PTGES3L: variants seen among roughly 807,000 people sequenced by gnomAD.
The protein encoded by PTGES3L is prostaglandin E synthase 3 like, also known as putative protein PTGES3L.
In PTGES3L, 17 loss-of-function variants were observed where a neutral mutation model predicts 25.0. That is an observed-to-expected ratio of 0.68 (90% confidence interval 0.47 to 1.02). The LOEUF is 1.02. PTGES3L is among the 50% of genes least tolerant of loss of function. The probability of loss-of-function intolerance (pLI) is 0.00; values close to 1 mark genes in which losing one functional copy is unlikely to be tolerated. For synonymous variants in PTGES3L, 59 were observed against 65.7 expected, an observed-to-expected ratio of 0.90 and a Z score of 0.50; for missense variants, 202 against 197.5, an observed-to-expected ratio of 1.02 and a Z score of -0.14.
At position 42,971,626 on chromosome 17, in the gene PTGES3L, T is replaced by C; in HGVS notation, c.359A>G (p.His120Arg). The C allele has an allele frequency of 1.9e-6, 3 of 1,614,030 alleles. No homozygotes were observed. Among genetic ancestry groups the C allele is most frequent in the South Asian group, 2.2e-5 (2 of 91,086 alleles). The change falls in exon 5 of 7, where the codon CAT (histidine) becomes CGT (arginine). Residue 120 changes from histidine to arginine, a missense_variant. Physicochemically the swap from His to Arg is conservative, Grantham distance 29. Coordinates refer to ENST00000591916, the MANE Select transcript of PTGES3L (RefSeq NM_001261430.2). ...WEGDEEMELA[H>R]VEHYAELLKK... Reference sequence around the variant, plus strand: ...TCTCACCTCTGCATAATGTTCCACATGAGCCAGCTCCATCTCTTCATCCCC... The same window carrying C: ...TCTCACCTCTGCATAATGTTCCACACGAGCCAGCTCCATCTCTTCATCCCC...
At chr17:42,970,426 T>G (rs2670866) in intron 5 of PTGES3L, 84 bp from the exon 6 acceptor site, 1 of 1,535,216 alleles carries the variant, frequency 6.5e-7, no homozygotes, top group Non-Finnish European at 9.0e-7. Context: ...GAAGAATGGT[T>G]GCAGCCAGAA....
intron 4 of PTGES3L, among the ~76,000 whole-genome samples, chr17:42,976,393 T>C (rs1053241689): frequency 6.6e-6 from 1 of 152,198 alleles, no homozygotes; most frequent in African/African-American, 2.4e-5. Flanking sequence ...ATTTCTTTTT[T>C]TTTGAGACGT....
chr17:42,969,204 A>AG lies in PTGES3L; in HGVS notation c.433-19_433-18insC, dbSNP rs767299828. The AG allele has an allele frequency of 1.5e-6, 2 of 1,359,350 alleles. No homozygotes were observed. The highest frequency in any genetic ancestry group is 2.0e-6 in the Non-Finnish European group (2 of 981,932). The allele number at this position is 1,359,350 out of a possible 1,614,324, so 84.2% of individuals were successfully genotyped here. A position where few individuals can be genotyped will look rare whatever the true frequency, so the allele number is the denominator to read the frequency against. On this transcript the variant is annotated intron_variant, in intron 6 of 6. Coordinates refer to ENST00000591916, the MANE Select transcript of PTGES3L (RefSeq NM_001261430.2). ...GAATCATCCTGGGGGCGGGGGGGAA[A>AG]AAAGACAAAGCACCTGTAGACCCTG...
chr17:42,975,701 G>T (rs1317060378), intron 4 of PTGES3L, among the ~76,000 whole-genome samples: 5 of 152,102 alleles, frequency 3.3e-5, no homozygotes, highest in Non-Finnish European at 5.9e-5. Flanking sequence ...TTCTGAGACA[G>T]AGTCTCACTC....
At chr17:42,979,132 C>A (rs1406250292) in intron 4 of PTGES3L, 38 bp downstream of exon 4, 3 of 1,609,986 alleles carry the variant, frequency 1.9e-6, no homozygotes, top group South Asian at 2.2e-5. Context: ...AACCTGGGTA[C>A]ATGGAGAGAA....
chr17:42,978,288 T>C, intron 4 of PTGES3L, among the ~76,000 whole-genome samples: 1 of 151,590 alleles, frequency 6.6e-6, no homozygotes, highest in Non-Finnish European at 1.5e-5. Flanking sequence ...AAGCCAGTAA[T>C]CCCAGCTACT....
intron 4 of PTGES3L, among the ~76,000 whole-genome samples, chr17:42,973,222 G>C (rs9675153): frequency 4.9e-4 from 4 of 8,148 alleles, no homozygotes; most frequent in African/African-American, 2.0e-3. Context: ...CCGGCCAGCC[G>C]CCCCGTCCGG....
At chr17:42,973,241 TG>T (rs1470165573) in intron 4 of PTGES3L, among the ~76,000 whole-genome samples, 2 of 127,902 alleles carry the variant, frequency 1.6e-5, no homozygotes, top group African/African-American at 3.0e-5. Flanking sequence ...GGGAGGGAGG[TG>T]GGGGGGTCAG....
intron 2 of PTGES3L, 28 bp from the exon 3 acceptor site, chr17:42,979,472 G>T (rs1172131504): frequency 6.2e-7 from 1 of 1,614,062 alleles, no homozygotes; most frequent in African/African-American, 1.3e-5. Flanking sequence ...CTGAGGAGAT[G>T]CGGAATACTC....
At chr17:42,970,672 A>ATG (rs1555565341) in intron 5 of PTGES3L, among the ~76,000 whole-genome samples, 4 of 115,504 alleles carry the variant, frequency 3.5e-5, no homozygotes, top group African/African-American at 1.3e-4. Flanking sequence ...CTGGCTTAAC[A>ATG]CGCGCACACA....
intron 4 of PTGES3L, among the ~76,000 whole-genome samples, chr17:42,978,933 G>C (rs779829882): frequency 1.4e-4 from 21 of 152,142 alleles, no homozygotes; most frequent in Non-Finnish European, 2.1e-4. Context: ...CCGGGAGGCG[G>C]AGGCCATGGT....
chr17:42,969,451 C>A (rs2049794209), intron 6 of PTGES3L, among the ~76,000 whole-genome samples: 1 of 134,606 alleles, frequency 7.4e-6, no homozygotes, highest in East Asian at 2.2e-4. Context: ...CTTCATCACC[C>A]AGCTGCAGTG....
rs1191854608 is a variant in PTGES3L at position 42,968,220 on chromosome 17, G to A, written c.*928C>T. On this transcript the variant is annotated 3_prime_UTR_variant, in exon 7 of 7. Transcript: ENST00000591916. The stretch of plus-strand genomic sequence containing the variant: ...CAAATAAACATAGACATTAACTAGA[G>A]TAACAATCAGTTTTAAAAGTATAAA... 6.6e-6 allele frequency: 1 copy of A among 151,968 alleles called. No individual in the cohort carries two copies. The highest frequency in any genetic ancestry group is 1.5e-5 in the Non-Finnish European group (1 of 68,018). The allele number at this position is 151,968 out of a possible 1,614,324, so 9.4% of individuals were successfully genotyped here. A position where few individuals can be genotyped will look rare whatever the true frequency, so the allele number is the denominator to read the frequency against.
intron 4 of PTGES3L, among the ~76,000 whole-genome samples, chr17:42,977,088 C>T (rs774048708): frequency 2.3e-4 from 35 of 151,890 alleles, no homozygotes; most frequent in African/African-American, 8.2e-4. Context: ...GTCTGAAGTT[C>T]GAGACCAGCC....
intron 4 of PTGES3L, among the ~76,000 whole-genome samples, chr17:42,977,691 GA>G (rs1555566239): frequency 5.5e-5 from 6 of 108,930 alleles, no homozygotes; most frequent in Non-Finnish European, 8.6e-5. Flanking sequence ...GAGAAAGAAA[GA>G]AAAGAAAGAA....
At chr17:42,978,925 G>A (rs540923457) in intron 4 of PTGES3L, among the ~76,000 whole-genome samples, 4 of 152,210 alleles carry the variant, frequency 2.6e-5, no homozygotes, top group South Asian at 2.1e-4. Context: ...GCTTGAACCC[G>A]GGAGGCGGAG....
At chr17:42,977,700 G>GA (rs1316242008) in intron 4 of PTGES3L, among the ~76,000 whole-genome samples, 1 of 150,902 alleles carries the variant, frequency 6.6e-6, no homozygotes, top group African/African-American at 2.4e-5. Context: ...AGAAAAGAAA[G>GA]AAAGAAAGAA....
At chr17:42,974,306 G>A (rs1407536234) in intron 4 of PTGES3L, among the ~76,000 whole-genome samples, 2 of 150,008 alleles carry the variant, frequency 1.3e-5, no homozygotes, top group East Asian at 3.9e-4. Flanking sequence ...GCTGCAGTAA[G>A]CTGAGATCGC....
Position 42,979,415 on chromosome 17 carries a change from T to C in PTGES3L, c.152A>G (p.Tyr51Cys), listed in dbSNP as rs143042557. The change falls in exon 3 of 7, where the codon TAC becomes TGC. Residue 51 changes from tyrosine (Y) to cysteine (C), a missense_variant. Tyr to Cys is a radical substitution (Grantham distance 194). Coordinates refer to ENST00000591916, the MANE Select transcript of PTGES3L (RefSeq NM_001261430.2). ...SCKNADGVEL[Y>C]NEIEFYAKVN... is the part of the protein sequence containing the mutation. ...TTTGGCATAGAACTCAATCTCATTG[T>C]ACAACTCCACTCCATCGGCATTCTT... 16 of 1,614,046 alleles carry C rather than the reference T, an allele frequency of 9.9e-6. No individual in the cohort carries two copies. The African/African-American group carries it at 1.9e-4, about 19-fold the overall frequency.
Sources: gnomAD v4.1 joint callset for allele counts (sites outside exome capture counted in the v4.1 genomes callset) on GRCh38, gnomAD v4.1.1 for gene constraint, MANE v1.5 for transcripts, NCBI Gene and HGNC (gene_info 2026-07-23, HGNC 2026-07-21) for gene names.